The following MSRB3 variants were observed in gnomAD, a reference collection of about 807,000 sequenced individuals.
The protein encoded by MSRB3 is methionine-R-sulfoxide reductase B3.
Under a neutral mutation model 21.0 loss-of-function variants are expected in MSRB3, and 13 were observed. The observed-to-expected ratio is 0.62, with a 90% confidence interval of 0.40 to 0.98. The LOEUF (loss-of-function observed/expected upper bound fraction) is 0.98, where lower values mean the gene tolerates loss of function less well. Ranked by LOEUF, MSRB3 falls within the 50% of genes least tolerant of loss-of-function variation. MSRB3 has a pLI of 0.00. For synonymous variants in MSRB3, 87 were observed against 88.6 expected (o/e 0.98, Z 0.10); for missense variants, 199 against 230.3 (o/e 0.86, Z 0.88).
At chr12:65,323,591 T>C (rs548004180) in intron 2 of MSRB3, among the ~76,000 whole-genome samples, 1 of 152,332 alleles carries the variant, frequency 6.6e-6, no homozygotes, top group Admixed American at 6.5e-5. Context: ...TGAACAGATG[T>C]CATATAATAC....
intron 5 of MSRB3, 126 bp downstream of exon 5, chr12:65,369,152 G>A (rs1878182426): frequency 1.4e-6 from 1 of 703,514 alleles, no homozygotes; most frequent in Non-Finnish European, 2.5e-6. Context: ...CAAAATGTGA[G>A]TCCCACCTCA....
intron 5 of MSRB3, among the ~76,000 whole-genome samples, chr12:65,407,197 C>T (rs1213270424): frequency 6.6e-6 from 1 of 151,988 alleles, no homozygotes; most frequent in African/African-American, 2.4e-5. Flanking sequence ...GCCAAAAACA[C>T]ACAATGGGAA....
intron 4 of MSRB3, among the ~76,000 whole-genome samples, chr12:65,355,709 A>G (rs578124089): frequency 1.4e-4 from 22 of 151,954 alleles, no homozygotes; most frequent in Non-Finnish European, 2.6e-4. Flanking sequence ...AATTAACTCC[A>G]GTACCTCTGT....
intron 4 of MSRB3, among the ~76,000 whole-genome samples, chr12:65,350,247 C>T (rs1876855106): frequency 6.6e-6 from 1 of 151,518 alleles, no homozygotes; most frequent in African/African-American, 2.4e-5. Context: ...TCTGAGGGCT[C>T]TGTTCTGTTC....
chr12:65,360,880 T>A (rs1877660563), intron 4 of MSRB3, among the ~76,000 whole-genome samples: 1 of 152,174 alleles, frequency 6.6e-6, no homozygotes, highest in Non-Finnish European at 1.5e-5. Context: ...ATAAGATTGC[T>A]TTTCCATATT....
chr12:65,418,960 G>A (rs1675742719), intron 5 of MSRB3: 1 of 708,512 alleles, frequency 1.4e-6, no homozygotes, highest in Non-Finnish European at 2.6e-6. Flanking sequence ...CTCTGCCCGG[G>A]TCTGTGTCAA....
At chr12:65,443,155 T>C (rs570785042) in intron 5 of MSRB3, among the ~76,000 whole-genome samples, 10 of 152,224 alleles carry the variant, frequency 6.6e-5, no homozygotes, top group African/African-American at 2.4e-4. Context: ...CATTTAAAAA[T>C]GTTGTGCAGG....
Position 65,449,487 on chromosome 12 carries a change from A to T in MSRB3, c.293-4241A>T, listed in dbSNP as rs116227434. ...TTGAAATATGGCCTTGGAATTAGAG[A>T]GCTGTGAGGACTGATACACACACAA... On this transcript the variant is annotated intron_variant, in intron 5 of 6. Transcript: ENST00000308259. Among the ~76,000 whole-genome samples, 299 of 152,208 alleles carry T rather than the reference A, an allele frequency of 2.0e-3. 1 individual carries two copies. The highest frequency in any genetic ancestry group is 6.8e-3 in the African/African-American group (281 of 41,536).
chr12:65,346,641 T>G (rs1022278990), intron 4 of MSRB3, among the ~76,000 whole-genome samples: 3 of 152,192 alleles, frequency 2.0e-5, no homozygotes, highest in Non-Finnish European at 2.9e-5. Context: ...TTTGGTGTTT[T>G]AGACACGAAG....
intron 5 of MSRB3, among the ~76,000 whole-genome samples, chr12:65,392,595 C>T (rs1879543529): frequency 6.6e-6 from 1 of 152,128 alleles, no homozygotes; most frequent in East Asian, 1.9e-4. Flanking sequence ...GTTACTGTTT[C>T]TCAGTCATTG....
intron 4 of MSRB3, 69 bp downstream of exon 4, chr12:65,328,672 A>G: frequency 3.9e-6 from 4 of 1,031,958 alleles, no homozygotes; most frequent in East Asian, 2.4e-5. Context: ...TTGCTTTTTC[A>G]TCTTAGAATC....
chr12:65,291,844 C>T (rs774654127), intron 1 of MSRB3, among the ~76,000 whole-genome samples: 19 of 152,122 alleles, frequency 1.2e-4, no homozygotes, highest in South Asian at 2.1e-4. Context: ...AGATAGTGTT[C>T]TGTGTGATGG....
intron 5 of MSRB3, among the ~76,000 whole-genome samples, chr12:65,450,027 A>G (rs933540349): frequency 4.6e-5 from 7 of 152,188 alleles, no homozygotes; most frequent in African/African-American, 1.7e-4. Context: ...GAGCTATGCC[A>G]TTATTCAATT....
intron 5 of MSRB3, chr12:65,418,991 G>T: frequency 1.4e-6 from 1 of 708,536 alleles, no homozygotes; most frequent in South Asian, 1.5e-5. Context: ...AGGTGCAGCA[G>T]GATCCCGTTG....
chr12:65,343,414 T>C (rs1040677749), intron 4 of MSRB3, among the ~76,000 whole-genome samples: 1 of 152,098 alleles, frequency 6.6e-6, no homozygotes, highest in African/African-American at 2.4e-5. Context: ...CATCTTCCTG[T>C]AGCACTTACA....
chr12:65,376,250 G>A (rs992246222), intron 5 of MSRB3, among the ~76,000 whole-genome samples: 4 of 151,776 alleles, frequency 2.6e-5, no homozygotes, highest in Non-Finnish European at 5.9e-5. Flanking sequence ...CTCCCGAGTA[G>A]CTGGGACTAC....
intron 5 of MSRB3, among the ~76,000 whole-genome samples, chr12:65,394,292 C>G (rs1229136133): frequency 1.3e-5 from 2 of 152,036 alleles, no homozygotes; most frequent in African/African-American, 4.8e-5. Context: ...AAAAATAAAA[C>G]TAACACATTC....
intron 4 of MSRB3, among the ~76,000 whole-genome samples, chr12:65,359,238 A>T (rs1377490753): frequency 6.6e-6 from 1 of 151,970 alleles, no homozygotes; most frequent in Non-Finnish European, 1.5e-5. Flanking sequence ...CTTCTCATCC[A>T]CATTTATGTC....
intron 5 of MSRB3, among the ~76,000 whole-genome samples, chr12:65,439,271 TAATA>T (rs1467189307): frequency 6.6e-6 from 1 of 151,648 alleles, no homozygotes; most frequent in Non-Finnish European, 1.5e-5. Flanking sequence ...TTAACATAAA[TAATA>T]AATATATGAA....
Sources: allele counts gnomAD v4.1 joint callset (sites outside exome capture counted in the v4.1 genomes callset), GRCh38; gene constraint gnomAD v4.1.1; transcripts MANE v1.5; gene names NCBI Gene and HGNC (gene_info 2026-07-23, HGNC 2026-07-21).